MIPOL1: variants seen among roughly 807,000 people sequenced by gnomAD.
MIPOL1 encodes the protein mirror-image polydactyly gene 1 protein.
Under a neutral mutation model 60.9 loss-of-function variants are expected in MIPOL1, and 57 were observed. The observed-to-expected ratio is 0.94, with a 90% CI of 0.76 to 1.17. The LOEUF (loss-of-function observed/expected upper bound fraction) is 1.17. Ranked by LOEUF, MIPOL1 falls within the 50% of genes most tolerant of loss-of-function variation. The pLI is 0.00. For missense variants in MIPOL1, 551 were observed against 511.6 expected (o/e 1.08, Z -0.74); for synonymous variants, 179 against 168.8 (o/e 1.06, Z -0.47).
At chr14:37,294,528 T>A (rs892519923) in intron 7 of MIPOL1, among the ~76,000 whole-genome samples, 6 of 151,984 alleles carry the variant, frequency 3.9e-5, no homozygotes, top group Admixed American at 2.0e-4. Context: ...GGAGGAAGTT[T>A]GAACCAATGG....
In MIPOL1 at chr14:37,299,325, A is replaced by T. The variant is rs1335229452; in HGVS notation, c.624-8731A>T. Among the ~76,000 whole-genome samples, 8 of 152,074 alleles carry T rather than the reference A, an allele frequency of 5.3e-5. No individual in the cohort carries two copies. In the South Asian group the frequency reaches 6.2e-4, roughly 12 times the overall value. ...GAGGGGGGCGGGATAGCATTAGGAG[A>T]TATACCTAATGCTAAATGACGAGTT... On this transcript the variant is annotated intron_variant, in intron 7 of 12. Coordinates refer to ENST00000684589, the MANE Select transcript of MIPOL1 (RefSeq NM_001388067.1).
At chr14:37,373,538 C>T (rs1438136996) in intron 10 of MIPOL1, among the ~76,000 whole-genome samples, 11 of 151,902 alleles carry the variant, frequency 7.2e-5, no homozygotes, top group East Asian at 5.8e-4. Context: ...CCTCCCCTAG[C>T]GCCCCAACCC....
At position 37,500,151 on chromosome 14, in the gene MIPOL1, A is replaced by G. The variant is rs749547668; in HGVS notation, c.1262+13A>G. The G allele has an allele frequency of 1.3e-6, 2 of 1,531,778 alleles. No homozygotes were observed. The highest frequency in any genetic ancestry group is 1.8e-6 in the Non-Finnish European group (2 of 1,113,420). The allele number at this position is 1,531,778 out of a possible 1,614,324, so 94.9% of individuals were successfully genotyped here. A position where few individuals can be genotyped will look rare whatever the true frequency, so the allele number is the denominator to read the frequency against. On this transcript the variant is annotated intron_variant, in intron 12 of 12. Coordinates refer to ENST00000684589, the MANE Select transcript of MIPOL1 (RefSeq NM_001388067.1). ...AAAAAGTTCAAAAGTAAGTTAAATG[A>G]TCTTGTAATAATACTTCAAACACAT...
chr14:37,485,461 C>T lies in MIPOL1; in HGVS notation c.1032-14447C>T, dbSNP rs189700060. On this transcript the variant is annotated intron_variant, in intron 11 of 12. Coordinates refer to ENST00000684589, the MANE Select transcript of MIPOL1 (RefSeq NM_001388067.1). ...TACACTCCCACCAACAGTGTAAAAG[C>T]ATTCCTATTTCTCCACATCCTCTCC... 6.9e-3 allele frequency among the ~76,000 whole-genome samples: 1,047 copies of T among 152,254 alleles called. 12 individuals carry two copies. Among genetic ancestry groups the T allele is most frequent in the African/African-American group, 0.024 (1,009 of 41,554 alleles).
intron 3 of MIPOL1, among the ~76,000 whole-genome samples, chr14:37,256,355 G>T (rs1974919558): frequency 6.6e-6 from 1 of 151,836 alleles, no homozygotes; most frequent in Non-Finnish European, 1.5e-5. Flanking sequence ...TCAGGCCTGT[G>T]TACAAATCCT....
At chr14:37,258,129 A>C (rs1394744884) in intron 3 of MIPOL1, among the ~76,000 whole-genome samples, 2 of 152,176 alleles carry the variant, frequency 1.3e-5, no homozygotes, top group Non-Finnish European at 2.9e-5. Flanking sequence ...ATTGTGTTTC[A>C]GTGATTCCCG....
At chr14:37,356,749 C>T (rs1489153733) in intron 9 of MIPOL1, among the ~76,000 whole-genome samples, 1 of 152,162 alleles carries the variant, frequency 6.6e-6, no homozygotes, top group Non-Finnish European at 1.5e-5. Flanking sequence ...TGAGGCAATG[C>T]CTCGCCCTGC....
At chr14:37,362,315 AAT>A (rs1365158872) in intron 9 of MIPOL1, among the ~76,000 whole-genome samples, 1 of 152,110 alleles carries the variant, frequency 6.6e-6, no homozygotes, top group Non-Finnish European at 1.5e-5. Flanking sequence ...GTGGTGGCAA[AAT>A]CTCTCAGCAT....
chr14:37,228,839 C>G (rs1465676188), intron 1 of MIPOL1, among the ~76,000 whole-genome samples: 1 of 152,134 alleles, frequency 6.6e-6, no homozygotes, highest in Non-Finnish European at 1.5e-5. Flanking sequence ...TACTTGTAAT[C>G]CCAGCACTTT....
intron 3 of MIPOL1, among the ~76,000 whole-genome samples, chr14:37,259,776 CATT>C (rs539035829): frequency 1.3e-5 from 2 of 151,950 alleles, no homozygotes; most frequent in Non-Finnish European, 2.9e-5. Flanking sequence ...TAATATTACT[CATT>C]ATTTCTTGTT....
chr14:37,313,158 T>C (rs1183595790), intron 9 of MIPOL1, among the ~76,000 whole-genome samples: 1 of 152,136 alleles, frequency 6.6e-6, no homozygotes, highest in Non-Finnish European at 1.5e-5. Context: ...TTGCATCAAA[T>C]ATATTCAAAT....
At chr14:37,366,433 T>C (rs1303968763) in intron 9 of MIPOL1, among the ~76,000 whole-genome samples, 1 of 152,104 alleles carries the variant, frequency 6.6e-6, no homozygotes, top group Non-Finnish European at 1.5e-5. Context: ...GCATATTGTT[T>C]AATTTTGGTG....
intron 10 of MIPOL1, among the ~76,000 whole-genome samples, chr14:37,389,636 C>A (rs2093177244): frequency 6.7e-6 from 1 of 149,780 alleles, no homozygotes. Context: ...AAGTGAAGAA[C>A]CTGAAAGGAG....
intron 6 of MIPOL1, chr14:37,276,936 A>G (rs2083705221): frequency 1.3e-5 from 2 of 151,256 alleles, no homozygotes; most frequent in Admixed American, 1.3e-4. Flanking sequence ...TTCTATGGAT[A>G]TGAATCAGAA....
intron 11 of MIPOL1, among the ~76,000 whole-genome samples, chr14:37,440,786 G>C (rs1344945204): frequency 1.3e-5 from 2 of 152,162 alleles, no homozygotes; most frequent in Non-Finnish European, 2.9e-5. Context: ...CCAAGTAGTA[G>C]TATTGCTGGA....
chr14:37,360,324 G>A (rs2092151504), intron 9 of MIPOL1, among the ~76,000 whole-genome samples: 1 of 152,086 alleles, frequency 6.6e-6, no homozygotes, highest in African/African-American at 2.4e-5. Flanking sequence ...TCAGGGTGAT[G>A]TTGCCTCATA....
At chr14:37,343,827 G>T (rs973124780) in intron 9 of MIPOL1, among the ~76,000 whole-genome samples, 3 of 152,088 alleles carry the variant, frequency 2.0e-5, no homozygotes, top group African/African-American at 7.2e-5. Flanking sequence ...ATTTGTCATG[G>T]ATTTTATTAG....
intron 10 of MIPOL1, among the ~76,000 whole-genome samples, chr14:37,374,267 G>A (rs888121443): frequency 2.6e-5 from 4 of 152,110 alleles, no homozygotes; most frequent in Non-Finnish European, 5.9e-5. Context: ...TAAGTTATTT[G>A]TAGATTCTGG....
intron 12 of MIPOL1, chr14:37,504,821 G>T (rs1166462474): frequency 6.6e-6 from 1 of 152,048 alleles, no homozygotes; most frequent in Non-Finnish European, 1.5e-5. Flanking sequence ...CCAGGAGCTG[G>T]TTTTTTGAAA....
Sources: gnomAD v4.1 joint callset for allele counts (sites outside exome capture counted in the v4.1 genomes callset) on GRCh38, gnomAD v4.1.1 for gene constraint, MANE v1.5 for transcripts, NCBI Gene and HGNC (gene_info 2026-07-23, HGNC 2026-07-21) for gene names.